The following PAX7 variants were observed in gnomAD, a reference collection of about 807,000 sequenced individuals.
PAX7 encodes the protein paired box protein Pax-7.
PAX7 carries 18 observed loss-of-function variants against 50.7 expected under a neutral mutation model. The ratio of observed to expected loss-of-function variants is 0.36; its 90% CI spans 0.25 to 0.53. The LOEUF is 0.53. Ranked by LOEUF, PAX7 falls within the 20% of genes least tolerant of loss-of-function variation. The probability of loss-of-function intolerance (pLI) is 0.93; values close to 1 mark genes in which losing one functional copy is unlikely to be tolerated. For missense variants in PAX7, 644 were observed against 702.9 expected (o/e 0.92, Z 0.95); for synonymous variants, 310 against 290.4 (o/e 1.07, Z -0.69).
intron 4 of PAX7, among the ~76,000 whole-genome samples, chr1:18,643,149 C>G (rs914332954): frequency 9.2e-5 from 14 of 152,170 alleles, no homozygotes; most frequent in African/African-American, 3.4e-4. Context: ...TTCTAGGGCG[C>G]CTTGGGCACG....
intron 4 of PAX7, among the ~76,000 whole-genome samples, chr1:18,687,465 G>T (rs9439723): frequency 6.6e-6 from 1 of 152,110 alleles, no homozygotes; most frequent in South Asian, 2.1e-4. Context: ...GGGCTCACTG[G>T]CTGTGTGTCC....
rs2088071399 is a variant in PAX7 at position 18,632,531 on chromosome 1, C to T, written c.85+843C>T. On this transcript the variant is annotated intron_variant, in intron 1 of 8. Coordinates refer to ENST00000420770, the MANE Select transcript of PAX7 (RefSeq NM_001135254.2). The surrounding 1 kb of genome is among the most constrained non-coding windows in gnomAD (Gnocchi z 6.3). ...AGAGACCCGCTCCTGTGTTTTTGTTCTGTTTTCTTTTTAAACTAATGGAAG... is the reference window on the plus strand; with the variant it reads ...AGAGACCCGCTCCTGTGTTTTTGTTTTGTTTTCTTTTTAAACTAATGGAAG... Among the ~76,000 whole-genome samples the T allele has an allele frequency of 6.6e-6, 1 of 152,154 alleles. No homozygotes were observed. Among genetic ancestry groups the T allele is most frequent in the South Asian group, 2.1e-4 (1 of 4,816 alleles).
chr1:18,675,558 A>G (rs1007413090), intron 4 of PAX7, among the ~76,000 whole-genome samples: 2 of 152,040 alleles, frequency 1.3e-5, no homozygotes, highest in African/African-American at 4.8e-5. Context: ...TTAATACATC[A>G]GATACAGCCC....
At chr1:18,737,700 A>G (rs1930860508) in intron 8 of PAX7, among the ~76,000 whole-genome samples, 1 of 152,290 alleles carries the variant, frequency 6.6e-6, no homozygotes, top group Non-Finnish European at 1.5e-5. Flanking sequence ...CATGATGTGC[A>G]CATCTGTGTG....
intron 4 of PAX7, among the ~76,000 whole-genome samples, chr1:18,655,016 T>C (rs1326038367): frequency 6.6e-6 from 1 of 152,212 alleles, no homozygotes; most frequent in Non-Finnish European, 1.5e-5. Context: ...GTGATATTAG[T>C]TCCTGGGCCA....
intron 8 of PAX7, among the ~76,000 whole-genome samples, chr1:18,736,502 G>T (rs927053759): frequency 1.3e-5 from 2 of 151,158 alleles, no homozygotes; most frequent in Non-Finnish European, 2.9e-5. Context: ...AGAAACAATG[G>T]AATTATTTTT....
At chr1:18,742,559 G>C (rs1425846206) in intron 8 of PAX7, among the ~76,000 whole-genome samples, 1 of 152,188 alleles carries the variant, frequency 6.6e-6, no homozygotes, top group Non-Finnish European at 1.5e-5. Context: ...CAAGGCCAGA[G>C]ATGGGAATGG....
At chr1:18,642,079 C>CT (rs550627745) in intron 4 of PAX7, among the ~76,000 whole-genome samples, 9,597 of 145,394 alleles carry the variant, frequency 0.066, 603 homozygotes, top group African/African-American at 0.16. Context: ...ATTATTTGGG[C>CT]TTTTTTTTTT....
At chr1:18,707,585 G>C (rs924135386) in intron 7 of PAX7, among the ~76,000 whole-genome samples, 4 of 151,808 alleles carry the variant, frequency 2.6e-5, no homozygotes, top group African/African-American at 4.8e-5. Context: ...ACCATGCCCA[G>C]CTAATTTTTT....
chr1:18,665,208 G>A (rs895567476), intron 4 of PAX7, among the ~76,000 whole-genome samples: 8 of 152,198 alleles, frequency 5.3e-5, no homozygotes, highest in African/African-American at 1.9e-4. Context: ...GAGAGGGGTG[G>A]AGGATGTCCC....
intron 4 of PAX7, among the ~76,000 whole-genome samples, chr1:18,648,095 A>G (rs960804833): frequency 2.0e-5 from 3 of 151,942 alleles, no homozygotes; most frequent in African/African-American, 7.3e-5. Flanking sequence ...CAGGGTAGGG[A>G]GGTGTGGGTG....
chr1:18,668,879 C>T (rs547324297), intron 4 of PAX7, among the ~76,000 whole-genome samples: 25 of 152,326 alleles, frequency 1.6e-4, no homozygotes, highest in African/African-American at 5.1e-4. Context: ...TTGAGGCAGG[C>T]GGGTGTGTCT....
At chr1:18,638,696 G>C (rs999222804) in intron 4 of PAX7, among the ~76,000 whole-genome samples, 11 of 152,198 alleles carry the variant, frequency 7.2e-5, no homozygotes, top group Non-Finnish European at 1.2e-4. Context: ...AGATGTGCAG[G>C]GAGTGTGTAG....
intron 6 of PAX7, among the ~76,000 whole-genome samples, chr1:18,702,377 T>C (rs2089233869): frequency 6.6e-6 from 1 of 151,968 alleles, no homozygotes; most frequent in Non-Finnish European, 1.5e-5. Flanking sequence ...AGCTACCTCA[T>C]AAAGCCTCCT....
chr1:18,723,095 C>T (rs941540642), intron 7 of PAX7, among the ~76,000 whole-genome samples: 3 of 152,136 alleles, frequency 2.0e-5, no homozygotes, highest in African/African-American at 7.2e-5. Context: ...CAGCAAGAGG[C>T]GAATCTGGTT....
chr1:18,680,512 A>T (rs1206860554), intron 4 of PAX7, among the ~76,000 whole-genome samples: 1 of 152,074 alleles, frequency 6.6e-6, no homozygotes, highest in Non-Finnish European at 1.5e-5. Flanking sequence ...CATCACTCTC[A>T]CCATTTAGAA....
At chr1:18,739,992 C>T (rs971598290) in intron 8 of PAX7, among the ~76,000 whole-genome samples, 2 of 152,178 alleles carry the variant, frequency 1.3e-5, no homozygotes, top group African/African-American at 4.8e-5. Flanking sequence ...TCTGGGGCTG[C>T]GGGCTGACGA....
At chr1:18,661,295 C>T (rs2088596493) in intron 4 of PAX7, among the ~76,000 whole-genome samples, 1 of 152,138 alleles carries the variant, frequency 6.6e-6, no homozygotes, top group Non-Finnish European at 1.5e-5. Flanking sequence ...CTTTGGGGTC[C>T]ATGAGGTGGA....
chr1:18,718,305 G>A (rs769662149), intron 7 of PAX7, among the ~76,000 whole-genome samples: 9 of 152,178 alleles, frequency 5.9e-5, no homozygotes, highest in Non-Finnish European at 1.0e-4. Flanking sequence ...GGCCATACCT[G>A]CCAAAAGGAT....
Sources: gnomAD v4.1 joint callset for allele counts (sites outside exome capture counted in the v4.1 genomes callset) on GRCh38, gnomAD v4.1.1 for gene constraint, Gnocchi (gnomAD v3.1) non-coding constraint, MANE v1.5 for transcripts, NCBI Gene and HGNC (gene_info 2026-07-23, HGNC 2026-07-21) for gene names.